Variants in FNIP2 observed in about 807,000 individuals in gnomAD.
FNIP2 encodes the protein folliculin interacting protein 2.
A neutral mutation model predicts 108.7 loss-of-function variants in FNIP2; 32 were observed. The ratio of observed to expected loss-of-function variants is 0.29; its 90% CI spans 0.22 to 0.40. FNIP2 has a LOEUF of 0.40. Among genes scored for constraint, FNIP2 ranks in the 10% least tolerant of loss-of-function variants. The probability of loss-of-function intolerance (pLI) is 1.00; values close to 1 mark genes in which losing one functional copy is unlikely to be tolerated. For missense variants in FNIP2, 1,202 were observed against 1,381.6 expected, an observed-to-expected ratio of 0.87 and a Z score of 2.06; for synonymous variants, 480 against 496.7, an observed-to-expected ratio of 0.97 and a Z score of 0.45.
chr4:158,780,011 C>G (rs1775985652), intron 1 of FNIP2, among the ~76,000 whole-genome samples: 2 of 151,702 alleles, frequency 1.3e-5, no homozygotes, highest in African/African-American at 4.8e-5. Flanking sequence ...GAGTTTGAGA[C>G]CAGCCTGTCA....
At chr4:158,795,696 T>G (rs929179211) in intron 1 of FNIP2, among the ~76,000 whole-genome samples, 3 of 152,190 alleles carry the variant, frequency 2.0e-5, no homozygotes, top group Non-Finnish European at 4.4e-5. Flanking sequence ...GGAGCGAAGC[T>G]TCATCTGTAT....
rs541614580 is a variant in FNIP2 at position 158,907,499 on chromosome 4, G to A, written c.*2955G>A. On this transcript the variant is annotated 3_prime_UTR_variant, in exon 17 of 17. Coordinates refer to ENST00000264433, the MANE Select transcript of FNIP2 (RefSeq NM_020840.3). The stretch of plus-strand genomic sequence containing the variant: ...GTTTGGGCTCTTATAATTAGGTCCT[G>A]AGATTTTATAAAAATTTAGTCTGTA... 1 of 152,264 alleles carries A rather than the reference G, an allele frequency of 6.6e-6. No homozygotes were observed. The highest frequency in any genetic ancestry group is 2.1e-4 in the South Asian group (1 of 4,832). 9.4% of individuals were successfully genotyped at this position (152,264 alleles called of 1,614,324 possible).
intron 7 of FNIP2, among the ~76,000 whole-genome samples, chr4:158,844,285 A>G (rs72695452): frequency 0.091 from 13,769 of 152,032 alleles, 816 homozygotes; most frequent in Non-Finnish European, 0.14. Context: ...TGAGGGGGGG[A>G]AAATAAATCC....
chr4:158,860,781 C>T (rs538655661), intron 10 of FNIP2, among the ~76,000 whole-genome samples: 6 of 151,856 alleles, frequency 4.0e-5, no homozygotes, highest in Admixed American at 6.6e-5. Flanking sequence ...CTCAGCCTCC[C>T]GAGTAGCTGG....
chr4:158,801,804 G>A (rs1183816088), intron 1 of FNIP2, among the ~76,000 whole-genome samples: 1 of 152,144 alleles, frequency 6.6e-6, no homozygotes, highest in East Asian at 1.9e-4. Flanking sequence ...CATTAAGGTA[G>A]GTATGTTATT....
chr4:158,784,690 A>T (rs945462468), intron 1 of FNIP2, among the ~76,000 whole-genome samples: 1 of 152,118 alleles, frequency 6.6e-6, no homozygotes, highest in African/African-American at 2.4e-5. Flanking sequence ...TAGGGTTCGC[A>T]CTACTATGAG....
At chr4:158,803,511 A>G (rs1204351708) in intron 1 of FNIP2, among the ~76,000 whole-genome samples, 2 of 152,226 alleles carry the variant, frequency 1.3e-5, no homozygotes, top group Non-Finnish European at 2.9e-5. Context: ...GGTTGTGATG[A>G]TACAATTATG....
rs1358143599 is a variant in FNIP2 at position 158,779,519 on chromosome 4, G to T, written c.107+10200G>T. Among the ~76,000 whole-genome samples the T allele has an allele frequency of 2.0e-5, 3 of 151,294 alleles. No homozygotes were observed. The South Asian group carries it at 6.2e-4, about 31-fold the overall frequency. ...AAAAACAGAAAAATAATAAAGAACA[G>T]TTGACATTATGGGGTGATGAGATTG... On this transcript the variant is annotated intron_variant, in intron 1 of 16. Coordinates refer to ENST00000264433, the MANE Select transcript of FNIP2 (RefSeq NM_020840.3).
At chr4:158,782,214 A>C (rs1208907314) in intron 1 of FNIP2, among the ~76,000 whole-genome samples, 2 of 151,760 alleles carry the variant, frequency 1.3e-5, no homozygotes, top group Non-Finnish European at 3.0e-5. Context: ...TTGGTGGAGC[A>C]GCTTGCTAAA....
chr4:158,833,440 A>G (rs969040187), intron 5 of FNIP2, 88 bp from the exon 6 acceptor site: 6 of 744,188 alleles, frequency 8.1e-6, no homozygotes, highest in East Asian at 2.5e-5. Flanking sequence ...GTCGTTGTCT[A>G]TATTTGGAAG....
chr4:158,847,008 C>T (rs1310369602), intron 7 of FNIP2, among the ~76,000 whole-genome samples: 2 of 152,150 alleles, frequency 1.3e-5, no homozygotes, highest in Admixed American at 6.5e-5. Flanking sequence ...TGCAGTGCTG[C>T]CAACACCAGG....
intron 14 of FNIP2, among the ~76,000 whole-genome samples, chr4:158,878,639 C>G (rs982583240): frequency 5.3e-5 from 8 of 152,112 alleles, no homozygotes; most frequent in African/African-American, 1.9e-4. Context: ...TGAAACATAG[C>G]TCCAGTAAGA....
intron 7 of FNIP2, among the ~76,000 whole-genome samples, chr4:158,851,005 A>G (rs1192510054): frequency 1.3e-5 from 2 of 152,152 alleles, no homozygotes; most frequent in African/African-American, 4.8e-5. Flanking sequence ...GAGAAATTAT[A>G]GTCTCCCCCT....
Position 158,835,395 on chromosome 4 carries a change from T to A in FNIP2, c.656-10T>A. 6.2e-7 allele frequency: 1 copy of A among 1,611,358 alleles called. No individual in the cohort carries two copies. The highest frequency in any genetic ancestry group is 8.5e-7 in the Non-Finnish European group (1 of 1,178,242). ...CCCAATAACATGGTTTTCTTGTTCC[T>A]TTATCTTAGCACACAGCACACCAGT... On this transcript the variant is annotated splice_polypyrimidine_tract_variant and intron_variant, in intron 6 of 16. Coordinates refer to ENST00000264433, the MANE Select transcript of FNIP2 (RefSeq NM_020840.3).
chr4:158,885,210 G>A (rs186880914), intron 14 of FNIP2, among the ~76,000 whole-genome samples: 1 of 152,176 alleles, frequency 6.6e-6, no homozygotes, highest in East Asian at 1.9e-4. Context: ...AGAATAGCAT[G>A]GGGGAAATTG....
chr4:158,827,790 G>T (rs751982566), intron 2 of FNIP2, among the ~76,000 whole-genome samples: 1 of 152,144 alleles, frequency 6.6e-6, no homozygotes, highest in African/African-American at 2.4e-5. Flanking sequence ...AGCACATTTT[G>T]TGTTTTCCTT....
chr4:158,784,274 T>C (rs1776144969), intron 1 of FNIP2, among the ~76,000 whole-genome samples: 1 of 152,234 alleles, frequency 6.6e-6, no homozygotes, highest in South Asian at 2.1e-4. Context: ...GTAGAAATTC[T>C]GTTCCTTCTT....
In FNIP2 at chr4:158,872,741, T is replaced by G. The variant is rs557338275; in HGVS notation, c.2949+2272T>G. 2.2e-4 allele frequency: 219 copies of G among 982,098 alleles called. 1 individual carries two copies. Among genetic ancestry groups the G allele is most frequent in the Admixed American group, 1.0e-3 (17 of 16,218 alleles). 60.8% of individuals were successfully genotyped at this position (982,098 alleles called of 1,614,324 possible). On this transcript the variant is annotated intron_variant, in intron 14 of 16. Coordinates refer to ENST00000264433, the MANE Select transcript of FNIP2 (RefSeq NM_020840.3). ...GCTCTGGTCTATGGTAGTGTTTTTT[T>G]TTTTTTTTTTAAAAAACAGGCTTAC...
rs1251116185 is a variant in FNIP2, at chr4:158,886,962, AT to A, written c.2950-4480del. Among the ~76,000 whole-genome samples, 14 of 152,336 alleles carry A rather than the reference AT, an allele frequency of 9.2e-5. No individual in the cohort carries two copies. In the South Asian group the frequency reaches 2.9e-3, roughly 32 times the overall value. On this transcript the variant is annotated intron_variant, in intron 14 of 16. Transcript: ENST00000264433. ...AAAGATGTTAGCATTAAGAAGAGAA[AT>A]TTTACCAAGTAATCTTACTAAACTG...
Sources: allele counts gnomAD v4.1 joint callset (sites outside exome capture counted in the v4.1 genomes callset), GRCh38; gene constraint gnomAD v4.1.1; transcripts MANE v1.5; gene names NCBI Gene and HGNC (gene_info 2026-07-23, HGNC 2026-07-21).